Variants in PTPMT1 observed in about 807,000 individuals in gnomAD.
PTPMT1 encodes phosphatidylglycerophosphatase and protein-tyrosine phosphatase 1.
PTPMT1 carries 12 observed loss-of-function variants against 17.8 expected under a neutral mutation model. That is an observed-to-expected ratio of 0.67 (90% confidence interval 0.43 to 1.09). The LOEUF is 1.09. Ranked by LOEUF, PTPMT1 falls within the 50% of genes least tolerant of loss-of-function variation. The probability of loss-of-function intolerance (pLI) is 0.00; values close to 1 mark genes in which losing one functional copy is unlikely to be tolerated. For synonymous variants in PTPMT1, 132 were observed against 116.8 expected (o/e 1.13, Z -0.84); for missense variants, 262 against 266.0 (o/e 0.99, Z 0.10).
Position 47,571,456 on chromosome 11 carries a change from A to C in PTPMT1, c.448-15A>C. 1 of 1,612,862 alleles carries C rather than the reference A, an allele frequency of 6.2e-7. No homozygotes were observed. Among genetic ancestry groups the C allele is most frequent in the Non-Finnish European group, 8.5e-7 (1 of 1,179,586 alleles). On this transcript the variant is annotated splice_polypyrimidine_tract_variant and intron_variant, in intron 3 of 3. Transcript: ENST00000326674. ...TTCTTTCTTTCTCTGCTGATTTCCC[A>C]ACCCTGTACTTCAGGTGCACAAATG...
chr11:47,569,663 T>C (rs964079043), intron 2 of PTPMT1, 37 bp from the exon 3 acceptor site: 12 of 1,541,494 alleles, frequency 7.8e-6, no homozygotes, highest in African/African-American at 2.8e-5. Context: ...ATAGTTTTTT[T>C]TCATTCTCTT....
intron 2 of PTPMT1, among the ~76,000 whole-genome samples, chr11:47,567,250 A>G (rs554667113): frequency 6.6e-6 from 1 of 151,870 alleles, no homozygotes; most frequent in African/African-American, 2.4e-5. Flanking sequence ...AAAATCACAC[A>G]AAAAAATTAG....
In PTPMT1 at chr11:47,572,835, CAA is replaced by C; in HGVS notation, c.*1213_*1214del. ...GAGGCACTGCCTTTCTAGTATGTGC[CAA>C]AAAAAACATAACTCTGAATTGGGGC... On this transcript the variant is annotated 3_prime_UTR_variant, in exon 4 of 4. Coordinates refer to ENST00000326674, the MANE Select transcript of PTPMT1 (RefSeq NM_175732.3). The C allele has an allele frequency of 7.2e-7, 1 of 1,384,994 alleles. No homozygotes were observed. Among genetic ancestry groups the C allele is most frequent in the Admixed American group, 2.3e-5 (1 of 42,878 alleles). 85.8% of individuals were successfully genotyped at this position (1,384,994 alleles called of 1,614,324 possible). A position where few individuals can be genotyped will look rare whatever the true frequency, so the allele number is the denominator to read the frequency against.
In PTPMT1 at chr11:47,566,096, A is replaced by T. The variant is rs2097243675; in HGVS notation, c.255+110A>T. ...GGGGAGGTCACCATGCACCGGAGCC[A>T]GGTGTCTCAAGCTGCTTTGCCTCCG... On this transcript the variant is annotated intron_variant, in intron 2 of 3. Coordinates refer to ENST00000326674, the MANE Select transcript of PTPMT1 (RefSeq NM_175732.3). The T allele has an allele frequency of 4.8e-6, 6 of 1,246,808 alleles. No individual in the cohort carries two copies. The South Asian group carries it at 9.9e-5, about 21-fold the overall frequency. 77.2% of individuals were successfully genotyped at this position (1,246,808 alleles called of 1,614,324 possible). A position where few individuals can be genotyped will look rare whatever the true frequency, so the allele number is the denominator to read the frequency against.
rs2097249706 is a variant in PTPMT1, at chr11:47,571,555, G to A, written c.532G>A (p.Val178Ile). The A allele has an allele frequency of 1.2e-6, 2 of 1,613,876 alleles. No homozygotes were observed. The highest frequency in any genetic ancestry group is 1.7e-6 in the Non-Finnish European group (2 of 1,180,044). Residue 178 changes from valine to isoleucine, a missense_variant, in exon 4 of 4, where the codon GTT (valine) becomes ATT (isoleucine). Physicochemically the swap from Val to Ile is conservative, Grantham distance 29 (BLOSUM62 3). Coordinates refer to ENST00000326674, the MANE Select transcript of PTPMT1 (RefSeq NM_175732.3). ...CCACATCAGGCCTGGCCAGCTGGAT[G>A]TTCTTAAAGAGTTCCACAAGCAGAT... Reference protein sequence around the residue: ...YIHIRPGQLDVLKEFHKQITA... With the variant: ...YIHIRPGQLDILKEFHKQITA...
intron 2 of PTPMT1, among the ~76,000 whole-genome samples, chr11:47,567,622 G>A (rs1483457161): frequency 2.2e-5 from 3 of 137,564 alleles, no homozygotes; most frequent in Non-Finnish European, 4.6e-5. Flanking sequence ...GTGCAATGGT[G>A]CAATCTCAGC....
In PTPMT1 at chr11:47,572,745, C is replaced by G; in HGVS notation, c.*1116C>G. 1 of 634,794 alleles carries G rather than the reference C, an allele frequency of 1.6e-6. No homozygotes were observed. The highest frequency in any genetic ancestry group is 2.7e-6 in the Non-Finnish European group (1 of 372,234). 39.3% of individuals were successfully genotyped at this position (634,794 alleles called of 1,614,324 possible). A position where few individuals can be genotyped will look rare whatever the true frequency, so the allele number is the denominator to read the frequency against. Reference sequence around the variant, plus strand: ...GCTGGCCTACTGTCAGTTCAAGCAACCAGCTGAGCAGCAGCAGTCTAAAAA... The same window carrying G: ...GCTGGCCTACTGTCAGTTCAAGCAAGCAGCTGAGCAGCAGCAGTCTAAAAA... On this transcript the variant is annotated 3_prime_UTR_variant, in exon 4 of 4. Transcript: ENST00000326674.
chr11:47,569,689 C>A lies in PTPMT1; in HGVS notation c.256-11C>A. 6.3e-7 allele frequency: 1 copy of A among 1,590,612 alleles called. No individual in the cohort carries two copies. Among genetic ancestry groups the A allele is most frequent in the Non-Finnish European group, 8.6e-7 (1 of 1,167,506 alleles). ...TCATTCTCTTTTTCATACTGGTGGA[C>A]CTGGTTCCAGGAGTGGAAGAGACTA... On this transcript the variant is annotated splice_polypyrimidine_tract_variant and intron_variant, in intron 2 of 3. Transcript: ENST00000326674.
chr11:47,570,320 TTG>T lies in PTPMT1; in HGVS notation c.447+430_447+431del, dbSNP rs2097248879. On this transcript the variant is annotated intron_variant, in intron 3 of 3. Transcript: ENST00000326674. ...TGATTTCAGGCTGTTGGGAGGTGGT[TTG>T]GTATGATGGAAAGCACCTGAGCCTT... Among the ~76,000 whole-genome samples the T allele has an allele frequency of 3.3e-5, 5 of 152,228 alleles. No individual in the cohort carries two copies. The South Asian group carries it at 1.0e-3, about 32-fold the overall frequency.
chr11:47,571,863 G>T lies in PTPMT1; in HGVS notation c.*234G>T. 2.3e-6 allele frequency: 1 copy of T among 426,198 alleles called. No homozygotes were observed. Among genetic ancestry groups the T allele is most frequent in the Non-Finnish European group, 4.2e-6 (1 of 239,462 alleles). 26.4% of individuals were successfully genotyped at this position (426,198 alleles called of 1,614,324 possible). Reference sequence around the variant, plus strand: ...TCATGGGATACAGGACAGGGATGGGGCTATCATCTTTTCTTGAATAGGGCT... The same window carrying T: ...TCATGGGATACAGGACAGGGATGGGTCTATCATCTTTTCTTGAATAGGGCT... On this transcript the variant is annotated 3_prime_UTR_variant, in exon 4 of 4. Transcript: ENST00000326674.
At chr11:47,569,574 G>GTGTA in intron 2 of PTPMT1, 126 bp from the exon 3 acceptor site, 2 of 662,674 alleles carry the variant, frequency 3.0e-6, no homozygotes, top group Non-Finnish European at 5.0e-6. Context: ...ACAGGCAACA[G>GTGTA]TGTATTCCCA....
At chr11:47,568,394 G>A (rs999590447) in intron 2 of PTPMT1, among the ~76,000 whole-genome samples, 1 of 152,052 alleles carries the variant, frequency 6.6e-6, no homozygotes, top group African/African-American at 2.4e-5. Context: ...AAATTACACT[G>A]GCTGGGCCTG....
rs1333591968 is a variant in PTPMT1, at chr11:47,572,223, A to C, written c.*594A>C. On this transcript the variant is annotated 3_prime_UTR_variant, in exon 4 of 4. Coordinates refer to ENST00000326674, the MANE Select transcript of PTPMT1 (RefSeq NM_175732.3). Reference sequence around the variant, plus strand: ...CCCTTCAAAAACTTTTATTTGTATCAACAGTTCCTAGCTCTTGACTTAGCT... The same window carrying C: ...CCCTTCAAAAACTTTTATTTGTATCCACAGTTCCTAGCTCTTGACTTAGCT... 6.5e-6 allele frequency: 1 copy of C among 152,936 alleles called. No individual in the cohort carries two copies. Among genetic ancestry groups the C allele is most frequent in the East Asian group, 1.9e-4 (1 of 5,210 alleles). The allele number at this position is 152,936 out of a possible 1,614,324, so 9.5% of individuals were successfully genotyped here.
At chr11:47,569,019 G>A (rs1273071559) in intron 2 of PTPMT1, among the ~76,000 whole-genome samples, 1 of 152,042 alleles carries the variant, frequency 6.6e-6, no homozygotes, top group Non-Finnish European at 1.5e-5. Context: ...GTTTGCAGCT[G>A]AATTTTTTGC....
intron 3 of PTPMT1, among the ~76,000 whole-genome samples, chr11:47,571,254 T>C (rs1464833698): frequency 6.6e-6 from 1 of 152,136 alleles, no homozygotes; most frequent in East Asian, 1.9e-4. Flanking sequence ...AGACTGACTT[T>C]CCACCTGACC....
In PTPMT1 at chr11:47,572,904, G is replaced by A; in HGVS notation, c.*1275G>A. On this transcript the variant is annotated 3_prime_UTR_variant, in exon 4 of 4. Transcript: ENST00000326674. ...TTGTATGGGGAGGGAAAAGGAGTGA[G>A]CAGTTCTCCTCCCCTCCCCACAGCC... 6.3e-7 allele frequency: 1 copy of A among 1,592,676 alleles called. No homozygotes were observed. Among genetic ancestry groups the A allele is most frequent in the Non-Finnish European group, 8.6e-7 (1 of 1,167,110 alleles).
rs1371653429 is a variant in PTPMT1, at chr11:47,572,217, T to C, written c.*588T>C. ...ACATATCCCTTCAAAAACTTTTATTTGTATCAACAGTTCCTAGCTCTTGAC... is the reference window on the plus strand; with the variant it reads ...ACATATCCCTTCAAAAACTTTTATTCGTATCAACAGTTCCTAGCTCTTGAC... On this transcript the variant is annotated 3_prime_UTR_variant, in exon 4 of 4. Coordinates refer to ENST00000326674, the MANE Select transcript of PTPMT1 (RefSeq NM_175732.3). The C allele has an allele frequency of 6.5e-6, 1 of 152,930 alleles. No homozygotes were observed. The highest frequency in any genetic ancestry group is 1.5e-5 in the Non-Finnish European group (1 of 68,254). 9.5% of individuals were successfully genotyped at this position (152,930 alleles called of 1,614,324 possible).
In PTPMT1 at chr11:47,573,457, G is replaced by A. The variant is rs2097253454; in HGVS notation, c.*1828G>A. ...CGATAATAAATGACTGCGTTGGAGA[G>A]GGTATCTTGCAGTGTCTTGCCACCC... On this transcript the variant is annotated 3_prime_UTR_variant, in exon 4 of 4. Coordinates refer to ENST00000326674, the MANE Select transcript of PTPMT1 (RefSeq NM_175732.3). This position sits in a 1 kb window ranked among gnomAD's most constrained non-coding sequence, Gnocchi z 4.1. 2 of 1,614,098 alleles carry A rather than the reference G, an allele frequency of 1.2e-6. No individual in the cohort carries two copies. The highest frequency in any genetic ancestry group is 1.7e-5 in the Admixed American group (1 of 60,002).
chr11:47,570,064 C>T (rs143514331), intron 3 of PTPMT1, among the ~76,000 whole-genome samples, 173 bp downstream of exon 3: 6 of 151,930 alleles, frequency 3.9e-5, no homozygotes, highest in Non-Finnish European at 5.9e-5. Context: ...TGGTGGTGTG[C>T]ACCTGTAGTC....
Sources: gnomAD v4.1 joint callset for allele counts (sites outside exome capture counted in the v4.1 genomes callset) on GRCh38, gnomAD v4.1.1 for gene constraint, Gnocchi (gnomAD v3.1) non-coding constraint, MANE v1.5 for transcripts, NCBI Gene and HGNC (gene_info 2026-07-23, HGNC 2026-07-21) for gene names.